MKKS: variants seen among roughly 807,000 people sequenced by gnomAD.
MKKS encodes molecular chaperone MKKS.
Under a neutral mutation model 33.2 loss-of-function variants are expected in MKKS, and 29 were observed. The ratio of observed to expected loss-of-function variants is 0.87; its 90% CI spans 0.65 to 1.19. MKKS has a LOEUF of 1.19. MKKS is among the 50% of genes most tolerant of loss of function. The pLI is 0.00. For synonymous variants in MKKS, 260 were observed against 244.0 expected (o/e 1.07, Z -0.61); for missense variants, 661 against 662.3 (o/e 1.00, Z 0.02).
In MKKS at chr20:10,402,392, A is replaced by G. The variant is rs541507241; in HGVS notation, c.*2855T>C. 26 of 152,274 alleles carry G rather than the reference A, an allele frequency of 1.7e-4. No homozygotes were observed. The highest frequency in any genetic ancestry group is 6.3e-4 in the African/African-American group (26 of 41,564). 9.4% of individuals were successfully genotyped at this position (152,274 alleles called of 1,614,324 possible). ...GTTTGAACGCTAATTTTCTTGAACT[A>G]TAGAGGAAGGTTTTTTTTCTCTTTT... On this transcript the variant is annotated 3_prime_UTR_variant, in exon 6 of 6. Transcript: ENST00000347364.
chr20:10,412,532 G>C lies in MKKS; in HGVS notation c.983C>G (p.Thr328Arg). 6.2e-7 allele frequency: 1 copy of C among 1,613,426 alleles called. No homozygotes were observed. Among genetic ancestry groups the C allele is most frequent in the South Asian group, 1.1e-5 (1 of 91,074 alleles). ...CAAAAGCAAAGAGTGATTTTTACCT[G>C]TCATTTTAGTCAGGGGTTCCATCAG... ...VTLMEPLTKM[T>R]GTQPIGSLGS... The change falls in exon 3 of 6, where the codon ACA becomes AGA. Residue 328 changes from threonine to arginine, a missense_variant and splice_region_variant. Transcript: ENST00000347364.
intron 1 of MKKS, among the ~76,000 whole-genome samples, chr20:10,427,980 G>C (rs966754529): frequency 1.3e-5 from 2 of 152,192 alleles, no homozygotes; most frequent in African/African-American, 2.4e-5. Flanking sequence ...ACAGGTATGC[G>C]TAAGTATCTT....
At chr20:10,420,260 C>T (rs1405574633) in intron 2 of MKKS, among the ~76,000 whole-genome samples, 1 of 152,042 alleles carries the variant, frequency 6.6e-6, no homozygotes, top group Admixed American at 6.6e-5. Context: ...TCAGGGGCTC[C>T]TTTGCACACA....
intron 1 of MKKS, among the ~76,000 whole-genome samples, chr20:10,426,722 G>A (rs1038869851): frequency 1.4e-4 from 22 of 152,148 alleles, no homozygotes; most frequent in Non-Finnish European, 3.2e-4. Flanking sequence ...TGATTTTCAT[G>A]TCAGGTATAT....
chr20:10,427,189 GTTTT>G (rs2122276475), intron 1 of MKKS, among the ~76,000 whole-genome samples: 1 of 152,154 alleles, frequency 6.6e-6, no homozygotes, highest in African/African-American at 2.4e-5. Context: ...AAGCCATCAA[GTTTT>G]TTTAATTGCT....
At position 10,420,568 on chromosome 20, in the gene MKKS, T is replaced by C. The variant is rs1338911949; in HGVS notation, c.-458A>G. On this transcript the variant is annotated 5_prime_UTR_variant, in exon 2 of 6. Transcript: ENST00000347364. ...CTGCTACTTCCCCTGGATTTGGCTCTTCTGAAGATTTGAAAGTCCCAGACT... is the reference window on the plus strand; with the variant it reads ...CTGCTACTTCCCCTGGATTTGGCTCCTCTGAAGATTTGAAAGTCCCAGACT... 2 of 152,230 alleles carry C rather than the reference T, an allele frequency of 1.3e-5. No individual in the cohort carries two copies. The highest frequency in any genetic ancestry group is 2.9e-5 in the Non-Finnish European group (2 of 68,042). 9.4% of individuals were successfully genotyped at this position (152,230 alleles called of 1,614,324 possible). A position where few individuals can be genotyped will look rare whatever the true frequency, so the allele number is the denominator to read the frequency against.
chr20:10,407,618 T>C lies in MKKS; in HGVS notation c.1270A>G (p.Lys424Glu), dbSNP rs1600844546. The C allele has an allele frequency of 6.2e-7, 1 of 1,612,534 alleles. No homozygotes were observed. Among genetic ancestry groups the C allele is most frequent in the Non-Finnish European group, 8.5e-7 (1 of 1,178,614 alleles). The stretch of plus-strand genomic sequence containing the variant: ...CCGAAGAGGATTATCTTACATACCT[T>C]GTGTCTGATATATGCAGCCAAATGA... ...ETHLAAYIRH[K>E]THNDPESILK... Residue 424 changes from lysine to glutamate, a missense_variant and splice_region_variant, in exon 5 of 6, where the codon AAG (lysine) becomes GAG (glutamate). By Grantham distance (56) the Lys-to-Glu change is moderately conservative. Coordinates refer to ENST00000347364, the MANE Select transcript of MKKS (RefSeq NM_170784.3).
intron 1 of MKKS, among the ~76,000 whole-genome samples, chr20:10,430,427 CTG>C (rs2065047101): frequency 4.7e-5 from 2 of 42,986 alleles, no homozygotes; most frequent in South Asian, 1.6e-3. Context: ...GGCACTTTGT[CTG>C]GGCTCAGTAA....
Position 10,412,691 on chromosome 20 carries a change from T to C in MKKS, c.824A>G (p.Gln275Arg). The C allele has an allele frequency of 6.2e-7, 1 of 1,614,228 alleles. No individual in the cohort carries two copies. Among genetic ancestry groups the C allele is most frequent in the South Asian group, 1.1e-5 (1 of 91,090 alleles). ...TAGCTGCCTTCCTAGGTTAAGCAGC[T>C]GGTCCAAGACTGCATTTTCAAGAGA... ...GVSLENAVLD[Q>R]LLNLGRQLIS... The change falls in exon 3 of 6, where the codon CAG becomes CGG. Residue 275 changes from glutamine (Q) to arginine (R), a missense_variant. Transcript: ENST00000347364.
chr20:10,421,242 C>T (rs2064978086), intron 1 of MKKS, among the ~76,000 whole-genome samples: 1 of 151,898 alleles, frequency 6.6e-6, no homozygotes, highest in East Asian at 1.9e-4. Flanking sequence ...CCAGCCTAGC[C>T]AACACAGTGA....
At chr20:10,430,194 A>G (rs2065045215) in intron 1 of MKKS, among the ~76,000 whole-genome samples, 1 of 152,212 alleles carries the variant, frequency 6.6e-6, no homozygotes, top group South Asian at 2.1e-4. Context: ...TCAGAAAGTC[A>G]AGCACTTTAA....
chr20:10,432,728 G>C (rs572021030), intron 1 of MKKS, among the ~76,000 whole-genome samples: 98 of 142,810 alleles, frequency 6.9e-4, no homozygotes, highest in Non-Finnish European at 1.3e-3. Context: ...CCCGGGAGGC[G>C]GAGGTTGCAC....
Position 10,408,736 on chromosome 20 carries a change from GCA to G in MKKS, c.1051_1052del (p.Cys351HisfsTer15). The G allele has an allele frequency of 6.2e-7, 1 of 1,613,730 alleles. No individual in the cohort carries two copies. Among genetic ancestry groups the G allele is most frequent in the East Asian group, 2.2e-5 (1 of 44,856 alleles). On this transcript the variant is annotated frameshift_variant, in exon 4 of 6. Transcript: ENST00000347364. LOFTEE classifies it high-confidence loss of function. ...PNSYGSVKDV[C>X]TAKFGSKHFF... is the part of the protein sequence containing the mutation. ...AATGTTTGGAGCCAAATTTTGCAGTGCACACATCTTTCACACTTCCATAACTA... is the reference window on the plus strand; with the variant it reads ...AATGTTTGGAGCCAAATTTTGCAGTGCACATCTTTCACACTTCCATAACTA...
chr20:10,416,679 G>A (rs1229088641), intron 2 of MKKS, among the ~76,000 whole-genome samples: 1 of 152,154 alleles, frequency 6.6e-6, no homozygotes, highest in Non-Finnish European at 1.5e-5. Flanking sequence ...AATAGTTGAC[G>A]ATGGAAAGTT....
At chr20:10,408,547 C>T (rs1039815952) in intron 4 of MKKS, 81 bp downstream of exon 4, 22 of 1,462,336 alleles carry the variant, frequency 1.5e-5, no homozygotes, top group African/African-American at 8.4e-5. Flanking sequence ...AGGGAAGCTA[C>T]GAAAAAAAAA....
chr20:10,407,615 C>A lies in MKKS; in HGVS notation c.1272+1G>T. On this transcript the variant is annotated splice_donor_variant, in intron 5 of 5. Transcript: ENST00000347364. LOFTEE classifies it high-confidence loss of function. ...AATCCGAAGAGGATTATCTTACATA[C>A]CTTGTGTCTGATATATGCAGCCAAA... 6.2e-7 allele frequency: 1 copy of A among 1,612,114 alleles called. No homozygotes were observed. The highest frequency in any genetic ancestry group is 8.5e-7 in the Non-Finnish European group (1 of 1,178,274).
At chr20:10,433,516 C>T (rs1444375071) in intron 1 of MKKS, among the ~76,000 whole-genome samples, 2 of 152,124 alleles carry the variant, frequency 1.3e-5, no homozygotes, top group African/African-American at 4.8e-5. Flanking sequence ...TGAATGAAAC[C>T]GTCATATTGA....
chr20:10,428,129 C>T (rs1454450541), intron 1 of MKKS, among the ~76,000 whole-genome samples: 2 of 152,204 alleles, frequency 1.3e-5, no homozygotes, highest in Admixed American at 1.3e-4. Context: ...AAGTGATTAA[C>T]AACTAATGAG....
intron 5 of MKKS, among the ~76,000 whole-genome samples, chr20:10,407,242 C>G (rs2064849705): frequency 6.6e-6 from 1 of 152,122 alleles, no homozygotes; most frequent in Admixed American, 6.5e-5. Flanking sequence ...TACTGTATTG[C>G]AGCAGTTGAG....
Sources: allele counts gnomAD v4.1 joint callset (sites outside exome capture counted in the v4.1 genomes callset), GRCh38; gene constraint gnomAD v4.1.1; transcripts MANE v1.5; gene names NCBI Gene and HGNC (gene_info 2026-07-23, HGNC 2026-07-21).